Variants in USP7 observed in about 807,000 individuals in gnomAD.
USP7 encodes the protein ubiquitin C-terminal hydrolase 7.
Under a neutral mutation model 162.9 loss-of-function variants are expected in USP7, and 9 were observed. The observed-to-expected ratio is 0.06, with a 90% confidence interval of 0.03 to 0.10. USP7 has a LOEUF of 0.10. Among genes scored for constraint, USP7 ranks in the 10% least tolerant of loss-of-function variants. The probability of loss-of-function intolerance (pLI) is 1.00; values close to 1 mark genes in which losing one functional copy is unlikely to be tolerated. For missense variants in USP7, 715 were observed against 1,373.7 expected, an observed-to-expected ratio of 0.52 and a Z score of 7.58; for synonymous variants, 562 against 475.9, an observed-to-expected ratio of 1.18 and a Z score of -2.35.
chr16:8,904,933 C>T (rs1303254645), intron 14 of USP7, among the ~76,000 whole-genome samples: 2 of 152,204 alleles, frequency 1.3e-5, no homozygotes, highest in Non-Finnish European at 2.9e-5. Context: ...GATCGCGCCA[C>T]TGCACTCCAG....
chr16:8,894,132 G>A (rs746767585), intron 30 of USP7, 28 bp from the exon 31 acceptor site: 2 of 1,602,614 alleles, frequency 1.2e-6, no homozygotes, highest in South Asian at 2.2e-5. Flanking sequence ...AAGCAAGTGA[G>A]GCCACAGAGC....
At chr16:8,901,306 A>G in intron 18 of USP7, 72 bp from the exon 19 acceptor site, 6 of 1,021,072 alleles carry the variant, frequency 5.9e-6, no homozygotes, top group Non-Finnish European at 8.5e-6. Flanking sequence ...AAAAAAACAA[A>G]CAAACAAAAA....
chr16:8,944,224 C>A (rs1885458177), intron 1 of USP7, among the ~76,000 whole-genome samples: 1 of 109,750 alleles, frequency 9.1e-6, no homozygotes, highest in Non-Finnish European at 1.9e-5. Flanking sequence ...CGCAGAGCAA[C>A]AGAGGTGCAA....
chr16:8,941,784 C>G (rs1226753194), intron 1 of USP7, among the ~76,000 whole-genome samples: 24 of 152,310 alleles, frequency 1.6e-4, no homozygotes. Context: ...AGACCACCGG[C>G]CAGCCACTGA....
At chr16:8,902,244 G>C (rs577494754) in intron 17 of USP7, 57 bp from the exon 18 acceptor site, 5 of 1,588,760 alleles carry the variant, frequency 3.1e-6, no homozygotes, top group African/African-American at 2.7e-5. Flanking sequence ...GTGACAGAGC[G>C]AAAAACTACA....
rs867428437 is a variant in USP7, at chr16:8,963,222, C to T, written c.64G>A (p.Asp22Asn). ...AGEQQLSEPE[D>N]MEMEAGDTDD... is the part of the protein sequence containing the mutation. Reference sequence around the variant, plus strand: ...CGGGCCTCACCTTCCATCTCCATGTCCTCGGGCTCGCTCAACTGCTGCTCG... The same window carrying T: ...CGGGCCTCACCTTCCATCTCCATGTTCTCGGGCTCGCTCAACTGCTGCTCG... Residue 22 changes from aspartate (D) to asparagine (N), a missense_variant, in exon 1 of 31, where the codon GAC becomes AAC. Physicochemically the swap from Asp to Asn is conservative, Grantham distance 23. Transcript: ENST00000344836. 6 of 1,412,680 alleles carry T rather than the reference C, an allele frequency of 4.2e-6. No homozygotes were observed. The Admixed American group carries it at 9.9e-5, about 23-fold the overall frequency. 87.5% of individuals were successfully genotyped at this position (1,412,680 alleles called of 1,614,324 possible).
At chr16:8,901,984 T>A in intron 18 of USP7, 98 bp downstream of exon 18, 1 of 991,616 alleles carries the variant, frequency 1.0e-6, no homozygotes, top group African/African-American at 1.6e-5. Flanking sequence ...CACATCTTTC[T>A]GCAAGGGAAG....
In USP7 at chr16:8,901,226, T is replaced by C. The variant is rs1296692572; in HGVS notation, c.2056A>G (p.Met686Val). Residue 686 changes from methionine (M) to valine (V), a missense_variant, in exon 19 of 31, where the codon ATG becomes GTG. Around this residue, in one of 11 missense-constraint regions of USP7, gnomAD observed 197 missense variants for 306.5 expected, o/e 0.64. Coordinates refer to ENST00000344836, the MANE Select transcript of USP7 (RefSeq NM_003470.3). Reference sequence around the variant, plus strand: ...GGATCATACATCTTCAAAAATAACATTACATCATCTACAAGGTTAATAAAC... The same window carrying C: ...GGATCATACATCTTCAAAAATAACACTACATCATCTACAAGGTTAATAAAC... ...LPKFDKDHDV[M>V]LFLKMYDPKT... 2 of 1,610,614 alleles carry C rather than the reference T, an allele frequency of 1.2e-6. No homozygotes were observed. Among genetic ancestry groups the C allele is most frequent in the African/African-American group, 1.3e-5 (1 of 74,696 alleles).
At chr16:8,908,196 C>T (rs749841392) in intron 12 of USP7, 145 bp downstream of exon 12, 110 of 683,820 alleles carry the variant, frequency 1.6e-4, no homozygotes, top group Non-Finnish European at 2.6e-4. Context: ...TTTAACACTG[C>T]GGCTCTTGGG....
chr16:8,935,971 T>C (rs1395412956), intron 1 of USP7: 1 of 152,242 alleles, frequency 6.6e-6, no homozygotes, highest in East Asian at 1.9e-4. Flanking sequence ...CAGATCAGAA[T>C]AAGCAAGATT....
At chr16:8,961,689 T>A (rs1180339313) in intron 1 of USP7, among the ~76,000 whole-genome samples, 1 of 152,214 alleles carries the variant, frequency 6.6e-6, no homozygotes, top group African/African-American at 2.4e-5. Context: ...GATATTTGTC[T>A]TGACCGGGTA....
chr16:8,955,465 G>C (rs1899748562), intron 1 of USP7, among the ~76,000 whole-genome samples: 1 of 151,400 alleles, frequency 6.6e-6, no homozygotes, highest in Non-Finnish European at 1.5e-5. Flanking sequence ...GCTCACACCT[G>C]TAATCCCAGC....
chr16:8,925,893 T>G (rs1207882549), intron 2 of USP7, among the ~76,000 whole-genome samples: 1 of 152,138 alleles, frequency 6.6e-6, no homozygotes, highest in Non-Finnish European at 1.5e-5. Flanking sequence ...GGTGGCTCAC[T>G]CCTGTAATCA....
At chr16:8,930,973 T>TAAA (rs35685543) in intron 1 of USP7, among the ~76,000 whole-genome samples, 3 of 143,676 alleles carry the variant, frequency 2.1e-5, no homozygotes, top group Non-Finnish European at 3.0e-5. Flanking sequence ...AGTCTCAAAT[T>TAAA]AAAAAAAAAA....
At chr16:8,899,065 T>C (rs1053569111) in intron 23 of USP7, 56 bp downstream of exon 23, 18 of 1,547,712 alleles carry the variant, frequency 1.2e-5, no homozygotes, top group Admixed American at 3.7e-5. Context: ...GATGTTTCAA[T>C]GAACTGTGGA....
chr16:8,933,455 G>A (rs1256989231), intron 1 of USP7, among the ~76,000 whole-genome samples: 2 of 152,190 alleles, frequency 1.3e-5, no homozygotes, highest in Non-Finnish European at 1.5e-5. Flanking sequence ...GGAGAGTCCT[G>A]TGTTGAAATA....
At position 8,948,445 on chromosome 16, in the gene USP7, A is replaced by C. The variant is rs561618179; in HGVS notation, c.79+14762T>G. ...AGCTATCCACCGGCCTCGGCCTCCC[A>C]AAGTGCTGGGATTACAGGTATCAGC... On this transcript the variant is annotated intron_variant, in intron 1 of 30. Transcript: ENST00000344836. Among the ~76,000 whole-genome samples the C allele has an allele frequency of 1.8e-3, 272 of 152,272 alleles. 1 individual carries two copies. Among genetic ancestry groups the C allele is most frequent in the Admixed American group, 4.1e-3 (63 of 15,294 alleles).
intron 1 of USP7, among the ~76,000 whole-genome samples, chr16:8,946,398 T>C (rs1253266943): frequency 6.6e-6 from 1 of 152,156 alleles, no homozygotes; most frequent in Non-Finnish European, 1.5e-5. Context: ...CTGGCCAATA[T>C]GGTGAAACCG....
intron 1 of USP7, among the ~76,000 whole-genome samples, chr16:8,947,584 G>C (rs1421819271): frequency 6.6e-6 from 1 of 152,166 alleles, no homozygotes; most frequent in Admixed American, 6.5e-5. Flanking sequence ...CCGGCCTCAA[G>C]TGATCCACCC....
Sources: allele counts gnomAD v4.1 joint callset (sites outside exome capture counted in the v4.1 genomes callset), GRCh38; gene constraint gnomAD v4.1.1; regional missense constraint gnomAD v4.1.1; transcripts MANE v1.5; gene names NCBI Gene and HGNC (gene_info 2026-07-23, HGNC 2026-07-21).